ARHGAP42: variants seen among roughly 807,000 people sequenced by gnomAD.
The protein encoded by ARHGAP42 is Rho GTPase activating protein 42.
In ARHGAP42, 63 loss-of-function variants were observed where a neutral mutation model predicts 125.0. The observed-to-expected ratio is 0.50, with a 90% confidence interval of 0.41 to 0.62. The LOEUF is 0.62. ARHGAP42 is among the 20% of genes least tolerant of loss of function. The pLI is 0.00. For missense variants in ARHGAP42, 766 were observed against 1,024.2 expected (o/e 0.75, Z 3.44); for synonymous variants, 339 against 351.0 (o/e 0.97, Z 0.38).
intron 4 of ARHGAP42, among the ~76,000 whole-genome samples, chr11:100,902,611 AG>A: frequency 6.6e-6 from 1 of 152,162 alleles, no homozygotes; most frequent in Admixed American, 6.5e-5. Flanking sequence ...GGTCTTGCTC[AG>A]GAGTATCTGA....
At chr11:100,733,681 T>C (rs960041389) in intron 1 of ARHGAP42, among the ~76,000 whole-genome samples, 1 of 151,648 alleles carries the variant, frequency 6.6e-6, no homozygotes, top group African/African-American at 2.4e-5. Context: ...AAAAATTTGC[T>C]GAGTGTGGTG....
chr11:100,821,585 C>G (rs570684929), intron 3 of ARHGAP42, among the ~76,000 whole-genome samples: 31 of 151,130 alleles, frequency 2.1e-4, no homozygotes, highest in African/African-American at 6.8e-4. Context: ...TCCTTTCCTC[C>G]CCTTAGCCTA....
chr11:100,741,002 A>G (rs2086517981), intron 1 of ARHGAP42, among the ~76,000 whole-genome samples: 1 of 152,182 alleles, frequency 6.6e-6, no homozygotes, highest in African/African-American at 2.4e-5. Flanking sequence ...TTTGCAGATT[A>G]CATAAAGAGA....
intron 3 of ARHGAP42, among the ~76,000 whole-genome samples, chr11:100,858,117 G>GTGTGTGTGTGTGTGTGTGTGTGTGTGTT (rs33909850): frequency 1.5e-5 from 2 of 134,656 alleles, no homozygotes; most frequent in African/African-American, 2.6e-5. Context: ...GTGTGTGTGT[G>GTGTGTGTGTGTGTGTGTGTGTGTGTGTT]TGTGTGTTTA....
intron 1 of ARHGAP42, among the ~76,000 whole-genome samples, chr11:100,705,724 T>A (rs1317647912): frequency 6.6e-6 from 1 of 152,092 alleles, no homozygotes; most frequent in African/African-American, 2.4e-5. Context: ...ATGCATTATA[T>A]TTAATTATTT....
At chr11:100,719,435 A>G (rs1861720834) in intron 1 of ARHGAP42, among the ~76,000 whole-genome samples, 1 of 152,184 alleles carries the variant, frequency 6.6e-6, no homozygotes, top group South Asian at 2.1e-4. Flanking sequence ...AAACAAACAG[A>G]TGGATTCAGA....
intron 1 of ARHGAP42, among the ~76,000 whole-genome samples, chr11:100,750,357 G>A (rs1368946204): frequency 6.6e-6 from 1 of 151,612 alleles, no homozygotes; most frequent in Non-Finnish European, 1.5e-5. Flanking sequence ...GACCACACAG[G>A]CTAAACTAAT....
intron 4 of ARHGAP42, among the ~76,000 whole-genome samples, chr11:100,887,668 G>A (rs1339276370): frequency 1.3e-5 from 2 of 152,296 alleles, no homozygotes; most frequent in Admixed American, 1.3e-4. Context: ...TTTCCCTTCA[G>A]GATGACCTTT....
chr11:100,871,319 G>A (rs1865689125), intron 4 of ARHGAP42, among the ~76,000 whole-genome samples: 1 of 151,842 alleles, frequency 6.6e-6, no homozygotes, highest in Non-Finnish European at 1.5e-5. Flanking sequence ...GCACAGGCGG[G>A]TGGATCACTT....
intron 1 of ARHGAP42, among the ~76,000 whole-genome samples, chr11:100,722,636 G>A (rs951443055): frequency 2.0e-5 from 3 of 152,082 alleles, no homozygotes; most frequent in Non-Finnish European, 4.4e-5. Flanking sequence ...TGATGCGCCC[G>A]CCTTGGCCTC....
chr11:100,763,233 G>A (rs1350966620), intron 1 of ARHGAP42, among the ~76,000 whole-genome samples: 5 of 151,678 alleles, frequency 3.3e-5, no homozygotes, highest in Non-Finnish European at 5.9e-5. Flanking sequence ...CAACCACCTC[G>A]GCCTCCCAAA....
intron 1 of ARHGAP42, among the ~76,000 whole-genome samples, chr11:100,736,310 A>G (rs781164234): frequency 6.6e-6 from 1 of 152,142 alleles, no homozygotes; most frequent in Non-Finnish European, 1.5e-5. Flanking sequence ...GATTTTCTTT[A>G]TATGGATGCA....
intron 10 of ARHGAP42, among the ~76,000 whole-genome samples, chr11:100,946,338 A>G (rs1255691504): frequency 1.3e-5 from 2 of 152,080 alleles, no homozygotes; most frequent in Admixed American, 1.3e-4. Context: ...GCGTTTGTGT[A>G]TTCACTGGAG....
Position 100,923,171 on chromosome 11 carries a change from TA to T in ARHGAP42, c.597+1569del, listed in dbSNP as rs770295894. ...GGTTCCTGTTCACCTTCCCATTGAC[TA>T]AGTCCCACCCCAGAATCCCACCATG... On this transcript the variant is annotated intron_variant, in intron 6 of 23. Transcript: ENST00000298815. Among the ~76,000 whole-genome samples, 4 of 152,296 alleles carry T rather than the reference TA, an allele frequency of 2.6e-5. No homozygotes were observed. In the South Asian group the frequency reaches 8.3e-4, roughly 32 times the overall value.
chr11:100,880,858 C>T (rs975546610), intron 4 of ARHGAP42, among the ~76,000 whole-genome samples: 2 of 152,156 alleles, frequency 1.3e-5, no homozygotes, highest in African/African-American at 2.4e-5. Context: ...TGATGTAGAG[C>T]ATTTTTTCAT....
intron 1 of ARHGAP42, among the ~76,000 whole-genome samples, chr11:100,711,504 A>C (rs1020518008): frequency 2.6e-5 from 4 of 152,074 alleles, no homozygotes; most frequent in Middle Eastern, 3.4e-3. Context: ...ACAGGTGCAC[A>C]CTACCATGCC....
chr11:100,931,341 A>T (rs1353028646), intron 6 of ARHGAP42, among the ~76,000 whole-genome samples: 2 of 152,196 alleles, frequency 1.3e-5, no homozygotes, highest in African/African-American at 4.8e-5. Flanking sequence ...ATCATAATTG[A>T]CCATTTGTTA....
At chr11:100,816,313 G>GT (rs1180117028) in intron 3 of ARHGAP42, among the ~76,000 whole-genome samples, 1 of 151,480 alleles carries the variant, frequency 6.6e-6, no homozygotes, top group Non-Finnish European at 1.5e-5. Context: ...ACTAACACTT[G>GT]TTTTTTTGTT....
At chr11:100,971,882 C>G (rs1030254467) in intron 17 of ARHGAP42, among the ~76,000 whole-genome samples, 1 of 152,014 alleles carries the variant, frequency 6.6e-6, no homozygotes, top group African/African-American at 2.4e-5. Flanking sequence ...ATGAGCTTAC[C>G]CAACTTCCAA....
Sources: allele counts gnomAD v4.1 joint callset (sites outside exome capture counted in the v4.1 genomes callset), GRCh38; gene constraint gnomAD v4.1.1; transcripts MANE v1.5; gene names NCBI Gene and HGNC (gene_info 2026-07-23, HGNC 2026-07-21).